Variants in GREB1L observed in about 807,000 individuals in gnomAD.
GREB1L encodes the protein GREB1 like retinoic acid receptor coactivator, also known as GREB1-like protein.
GREB1L carries 17 observed loss-of-function variants against 200.8 expected under a neutral mutation model. The observed-to-expected ratio is 0.08, with a 90% CI of 0.06 to 0.13. GREB1L has a LOEUF of 0.13. GREB1L is among the 10% of genes least tolerant of loss of function. The probability of loss-of-function intolerance (pLI) is 1.00; values close to 1 mark genes in which losing one functional copy is unlikely to be tolerated. For synonymous variants in GREB1L, 789 were observed against 893.0 expected (o/e 0.88, Z 2.08); for missense variants, 1,657 against 2,367.7 (o/e 0.70, Z 6.23).
intron 4 of GREB1L, among the ~76,000 whole-genome samples, chr18:21,393,205 A>G (rs1334223651): frequency 6.6e-6 from 1 of 152,024 alleles, no homozygotes; most frequent in African/African-American, 2.4e-5. Context: ...GTTTTTCCCT[A>G]CTTTGTATTG....
At chr18:21,350,285 C>A (rs1403261186) in intron 1 of GREB1L, among the ~76,000 whole-genome samples, 1 of 149,922 alleles carries the variant, frequency 6.7e-6, no homozygotes, top group Admixed American at 6.7e-5. Context: ...TTGCCCAGGC[C>A]GGAGTGCAAT....
At chr18:21,443,238 T>C (rs1053139828) in intron 10 of GREB1L, among the ~76,000 whole-genome samples, 6 of 151,934 alleles carry the variant, frequency 3.9e-5, no homozygotes, top group African/African-American at 1.5e-4. Flanking sequence ...AGTCTCTCTC[T>C]GTGGCTCAGG....
At chr18:21,376,829 A>G (rs573818048) in intron 2 of GREB1L, among the ~76,000 whole-genome samples, 250 of 151,858 alleles carry the variant, frequency 1.6e-3, no homozygotes, top group African/African-American at 5.8e-3. Context: ...AAAAAAAAAA[A>G]AAAAGAAAGC....
intron 1 of GREB1L, among the ~76,000 whole-genome samples, chr18:21,347,923 C>T (rs190696539): frequency 0.026 from 3,495 of 136,212 alleles, 83 homozygotes; most frequent in Non-Finnish European, 0.039. Flanking sequence ...CGTGCCACCA[C>T]ACTCGGCTAA....
chr18:21,495,952 T>C (rs2036528313), intron 20 of GREB1L, among the ~76,000 whole-genome samples, 167 bp downstream of exon 20: 1 of 152,230 alleles, frequency 6.6e-6, no homozygotes, highest in Non-Finnish European at 1.5e-5. Flanking sequence ...TTTTATTCTT[T>C]TTTTTTAGCT....
chr18:21,462,161 C>G (rs2035070328), intron 15 of GREB1L, among the ~76,000 whole-genome samples: 1 of 152,242 alleles, frequency 6.6e-6, no homozygotes, highest in African/African-American at 2.4e-5. Flanking sequence ...GTACCACCAT[C>G]AGTGCCGCAG....
chr18:21,445,802 T>C (rs1279561120), intron 11 of GREB1L, among the ~76,000 whole-genome samples: 1 of 152,184 alleles, frequency 6.6e-6, no homozygotes, highest in African/African-American at 2.4e-5. Context: ...ATGATGCTTA[T>C]TGAAAGGTAA....
intron 2 of GREB1L, among the ~76,000 whole-genome samples, chr18:21,372,921 T>C (rs2039935878): frequency 6.6e-6 from 1 of 152,086 alleles, no homozygotes; most frequent in African/African-American, 2.4e-5. Context: ...TTTGCAATTT[T>C]TCCTTTTTCT....
intron 14 of GREB1L, 85 bp downstream of exon 14, chr18:21,452,302 T>G: frequency 1.5e-6 from 2 of 1,351,018 alleles, no homozygotes; most frequent in Non-Finnish European, 2.0e-6. Context: ...GTTTTGAGGA[T>G]TCTTCAAGTC....
chr18:21,326,616 A>G (rs2144981395), intron 1 of GREB1L, among the ~76,000 whole-genome samples: 1 of 152,364 alleles, frequency 6.6e-6, no homozygotes, highest in East Asian at 1.9e-4. Flanking sequence ...TCACTAAAGC[A>G]TCATGTTAAT....
Position 21,300,429 on chromosome 18 carries a change from A to G in GREB1L, c.-120+58036A>G, listed in dbSNP as rs574422067. Among the ~76,000 whole-genome samples, 188 of 152,288 alleles carry G rather than the reference A, an allele frequency of 1.2e-3. 1 individual carries two copies. The highest frequency in any genetic ancestry group is 4.4e-3 in the African/African-American group (183 of 41,556). On this transcript the variant is annotated intron_variant, in intron 1 of 32. Transcript: ENST00000424526. ...AATTATACAAATAGAAACACTCTTA[A>G]ATGTTTTATGCTTCTATTTTCTTTT...
At chr18:21,491,225 T>C (rs1215482208) in intron 19 of GREB1L, among the ~76,000 whole-genome samples, 1 of 152,314 alleles carries the variant, frequency 6.6e-6, no homozygotes, top group East Asian at 1.9e-4. Context: ...TTCTGCGCCC[T>C]ATACATTAAA....
At chr18:21,386,246 T>C (rs140766264) in intron 4 of GREB1L, among the ~76,000 whole-genome samples, 1 of 152,190 alleles carries the variant, frequency 6.6e-6, no homozygotes, top group Non-Finnish European at 1.5e-5. Context: ...GGGAAGGCAT[T>C]TAAAACACAA....
chr18:21,500,767 G>A lies in GREB1L; in HGVS notation c.4072+125G>A, dbSNP rs1015873461. 21 of 680,552 alleles carry A rather than the reference G, an allele frequency of 3.1e-5. No homozygotes were observed. The African/African-American group carries it at 3.9e-4, about 13-fold the overall frequency. The allele number at this position is 680,552 out of a possible 1,614,324, so 42.2% of individuals were successfully genotyped here. A position where few individuals can be genotyped will look rare whatever the true frequency, so the allele number is the denominator to read the frequency against. ...ACCTAACCTGCAGAGTTATTGGGAG[G>A]CTAAAGATAATGTGCCCAAGGCCAG... On this transcript the variant is annotated intron_variant, in intron 23 of 32. Coordinates refer to ENST00000424526, the MANE Select transcript of GREB1L (RefSeq NM_001142966.3).
At position 21,485,609 on chromosome 18, in the gene GREB1L, T is replaced by C; in HGVS notation, c.2557-11T>C. 1 of 1,550,394 alleles carries C rather than the reference T, an allele frequency of 6.4e-7. No homozygotes were observed. On this transcript the variant is annotated splice_polypyrimidine_tract_variant and intron_variant, in intron 17 of 32. Coordinates refer to ENST00000424526, the MANE Select transcript of GREB1L (RefSeq NM_001142966.3). ...GTCCTCATTGGGTTTTTGCTCTGTATTTTGAACCAGGAGGACGTGGGCTGC... is the reference window on the plus strand; with the variant it reads ...GTCCTCATTGGGTTTTTGCTCTGTACTTTGAACCAGGAGGACGTGGGCTGC...
intron 7 of GREB1L, among the ~76,000 whole-genome samples, chr18:21,428,297 TTTG>T (rs1395771892): frequency 6.7e-6 from 1 of 148,958 alleles, no homozygotes; most frequent in Non-Finnish European, 1.5e-5. Context: ...TAGTGGGTTT[TTTG>T]TTGTTTTTAT....
chr18:21,309,204 A>G (rs1416391808), intron 1 of GREB1L, among the ~76,000 whole-genome samples: 1 of 152,232 alleles, frequency 6.6e-6, no homozygotes, highest in African/African-American at 2.4e-5. Flanking sequence ...TGTTGGCCAC[A>G]TTTTAGGAAA....
intron 18 of GREB1L, among the ~76,000 whole-genome samples, chr18:21,487,007 C>T (rs936799953): frequency 1.3e-5 from 2 of 152,310 alleles, no homozygotes; most frequent in South Asian, 2.1e-4. Context: ...CCGGAAAGAG[C>T]ACAGGCTCAA....
At chr18:21,244,708 C>G (rs886101461) in intron 1 of GREB1L, among the ~76,000 whole-genome samples, 4 of 152,108 alleles carry the variant, frequency 2.6e-5, no homozygotes, top group East Asian at 1.9e-4. Context: ...CCTGCTCTTA[C>G]GAGTTTGATG....
Sources: gnomAD v4.1 joint callset for allele counts (sites outside exome capture counted in the v4.1 genomes callset) on GRCh38, gnomAD v4.1.1 for gene constraint, MANE v1.5 for transcripts, NCBI Gene and HGNC (gene_info 2026-07-23, HGNC 2026-07-21) for gene names.